The following GRM7 variants were observed in gnomAD, a reference collection of about 807,000 sequenced individuals.
The protein encoded by GRM7 is glutamate metabotropic receptor 7.
In GRM7, 35 loss-of-function variants were observed where a neutral mutation model predicts 84.5. The ratio of observed to expected loss-of-function variants is 0.41; its 90% confidence interval spans 0.32 to 0.55. The LOEUF (loss-of-function observed/expected upper bound fraction) is 0.55, where lower values mean the gene tolerates loss of function less well. Ranked by LOEUF, GRM7 falls within the 20% of genes least tolerant of loss-of-function variation. The probability of loss-of-function intolerance (pLI) is 0.19; values close to 1 mark genes in which losing one functional copy is unlikely to be tolerated. For synonymous variants in GRM7, 487 were observed against 455.1 expected, an observed-to-expected ratio of 1.07 and a Z score of -0.89; for missense variants, 1,003 against 1,194.6, an observed-to-expected ratio of 0.84 and a Z score of 2.36.
chr3:7,059,630 T>G (rs1697360991), intron 1 of GRM7, among the ~76,000 whole-genome samples: 1 of 151,746 alleles, frequency 6.6e-6, no homozygotes, highest in South Asian at 2.1e-4. Context: ...AATTTGTATG[T>G]TATTATCTTA....
At position 7,486,446 on chromosome 3, in the gene GRM7, C is replaced by T. The variant is rs900621484; in HGVS notation, c.1515+24724C>T. 1.4e-4 allele frequency among the ~76,000 whole-genome samples: 21 copies of T among 152,094 alleles called. No individual in the cohort carries two copies. Among genetic ancestry groups the T allele is most frequent in the African/African-American group, 5.1e-4 (21 of 41,410 alleles). ...GTTGGGAGATGATACCATTGAGAGG[C>T]AATTGGGTCATAAAGCGTACTCCTT... On this transcript the variant is annotated intron_variant, in intron 7 of 9. Transcript: ENST00000357716. This position sits in a 1 kb window ranked among gnomAD's most constrained non-coding sequence, Gnocchi z 5.5.
chr3:7,074,656 T>C (rs186267241), intron 1 of GRM7, among the ~76,000 whole-genome samples: 9 of 152,352 alleles, frequency 5.9e-5, no homozygotes, highest in Middle Eastern at 3.4e-3. Context: ...ATTTTTACTT[T>C]GTTCTATAAT....
intron 7 of GRM7, among the ~76,000 whole-genome samples, chr3:7,475,937 T>G (rs1024743106): frequency 2.0e-5 from 3 of 152,236 alleles, no homozygotes; most frequent in South Asian, 2.1e-4. Flanking sequence ...GAAAATACTA[T>G]TGATCCTTCT....
chr3:7,304,412 A>T, intron 3 of GRM7, among the ~76,000 whole-genome samples: 2 of 130,662 alleles, frequency 1.5e-5, no homozygotes, highest in South Asian at 2.4e-4. Flanking sequence ...CATTCTCATT[A>T]TTTACAGAGG....
chr3:7,149,351 GAC>G (rs1334333655), intron 2 of GRM7, among the ~76,000 whole-genome samples: 1 of 152,102 alleles, frequency 6.6e-6, no homozygotes, highest in Non-Finnish European at 1.5e-5. Context: ...GGTATTTAAA[GAC>G]ACACATCCCA....
intron 2 of GRM7, among the ~76,000 whole-genome samples, chr3:7,225,250 A>C (rs934492733): frequency 2.6e-5 from 4 of 151,554 alleles, no homozygotes; most frequent in Admixed American, 2.6e-4. Context: ...GCTTTTTTAA[A>C]GACTGATACC....
At chr3:7,170,023 GT>G (rs1458444920) in intron 2 of GRM7, among the ~76,000 whole-genome samples, 5 of 152,240 alleles carry the variant, frequency 3.3e-5, no homozygotes, top group Non-Finnish European at 7.3e-5. Context: ...TTGTGATTCA[GT>G]TAGTTTGAGG....
chr3:7,566,410 G>A (rs1024438197), intron 7 of GRM7, among the ~76,000 whole-genome samples: 2 of 152,076 alleles, frequency 1.3e-5, no homozygotes, highest in East Asian at 1.9e-4. Context: ...CTCATTGAGA[G>A]ATTCATATGA....
intron 7 of GRM7, among the ~76,000 whole-genome samples, chr3:7,483,896 AAC>A (rs1415408042): frequency 6.6e-6 from 1 of 152,112 alleles, no homozygotes; most frequent in African/African-American, 2.4e-5. Context: ...CTAAAGAGAA[AAC>A]ACACTCTACA....
intron 2 of GRM7, among the ~76,000 whole-genome samples, chr3:7,238,997 C>CTTTTTTTTTTTTTTTTTTTTTTT: frequency 7.3e-6 from 1 of 137,618 alleles, no homozygotes; most frequent in Non-Finnish European, 1.5e-5. Context: ...TTCTTTTTTC[C>CTTTTTTTTTTTTTTTTTTTTTTT]TTTTTCTTTT....
At chr3:7,243,092 C>T (rs943190504) in intron 2 of GRM7, among the ~76,000 whole-genome samples, 1 of 152,124 alleles carries the variant, frequency 6.6e-6, no homozygotes, top group Admixed American at 6.6e-5. Flanking sequence ...CATTCTAAGA[C>T]ACACTGGGCT....
intron 1 of GRM7, among the ~76,000 whole-genome samples, chr3:7,026,592 A>G (rs1695990300): frequency 1.3e-5 from 2 of 152,212 alleles, no homozygotes; most frequent in South Asian, 4.1e-4. Flanking sequence ...AAAGAAAAAC[A>G]TCTTCCTGGC....
chr3:7,588,128 G>A (rs570770209), intron 8 of GRM7, among the ~76,000 whole-genome samples: 2 of 152,132 alleles, frequency 1.3e-5, no homozygotes, highest in South Asian at 2.1e-4. Context: ...AAGAGTATCC[G>A]TATACTAGAA....
intron 7 of GRM7, chr3:7,559,401 G>T (rs972027407): frequency 3.3e-5 from 5 of 151,996 alleles, no homozygotes; most frequent in African/African-American, 1.2e-4. Flanking sequence ...CTCTAGGGTG[G>T]CCAGAAGTAT....
intron 1 of GRM7, among the ~76,000 whole-genome samples, chr3:6,914,495 CG>C (rs1421219793): frequency 6.6e-6 from 1 of 151,958 alleles, no homozygotes; most frequent in African/African-American, 2.4e-5. Flanking sequence ...CTCTGCCTCC[CG>C]GGTTCAAGTG....
rs116383986 is a variant in GRM7, at chr3:6,886,043, T to C, written c.519+24136T>C. Among the ~76,000 whole-genome samples the C allele has an allele frequency of 4.1e-3, 630 of 152,322 alleles. 4 individuals carry two copies. Among genetic ancestry groups the C allele is most frequent in the African/African-American group, 0.015 (610 of 41,574 alleles). Reference sequence around the variant, plus strand: ...TTTGATATATGTATACATTGTGGAATGTTTACCACAATCTAAATAATTAGC... The same window carrying C: ...TTTGATATATGTATACATTGTGGAACGTTTACCACAATCTAAATAATTAGC... On this transcript the variant is annotated intron_variant, in intron 1 of 9. Transcript: ENST00000357716.
chr3:7,038,639 G>A, intron 1 of GRM7, among the ~76,000 whole-genome samples: 1 of 152,142 alleles, frequency 6.6e-6, no homozygotes, highest in East Asian at 1.9e-4. Context: ...ATCATGATGT[G>A]TTCTGCAATG....
intron 1 of GRM7, among the ~76,000 whole-genome samples, chr3:7,023,377 G>A (rs1411737438): frequency 1.3e-5 from 2 of 152,080 alleles, no homozygotes; most frequent in South Asian, 2.1e-4. Flanking sequence ...GAGGGGAATA[G>A]GTCAGAAAGG....
intron 8 of GRM7, among the ~76,000 whole-genome samples, chr3:7,633,146 T>G (rs1034855505): frequency 4.6e-5 from 7 of 152,250 alleles, no homozygotes; most frequent in African/African-American, 1.7e-4. Context: ...CATACCTTCT[T>G]ATAATCATCA....
Sources: allele counts gnomAD v4.1 joint callset (sites outside exome capture counted in the v4.1 genomes callset), GRCh38; gene constraint gnomAD v4.1.1; non-coding constraint Gnocchi (gnomAD v3.1); transcripts MANE v1.5; gene names NCBI Gene and HGNC (gene_info 2026-07-23, HGNC 2026-07-21).